UROS: variants seen among roughly 807,000 people sequenced by gnomAD.
UROS encodes the protein uroporphyrinogen-III synthase.
A neutral mutation model predicts 33.0 loss-of-function variants in UROS; 18 were observed. That is an observed-to-expected ratio of 0.55 (90% CI 0.38 to 0.81). The LOEUF (loss-of-function observed/expected upper bound fraction) is 0.81. UROS is among the 30% of genes least tolerant of loss of function. The pLI is 0.00. For synonymous variants in UROS, 114 were observed against 121.1 expected, an observed-to-expected ratio of 0.94 and a Z score of 0.38; for missense variants, 293 against 314.9, an observed-to-expected ratio of 0.93 and a Z score of 0.53.
chr10:125,797,681 G>A (rs992904052), intron 7 of UROS, among the ~76,000 whole-genome samples: 2 of 152,174 alleles, frequency 1.3e-5, no homozygotes, highest in Non-Finnish European at 2.9e-5. Flanking sequence ...CGGCTGGAGG[G>A]TGCTGCATGC....
At chr10:125,803,780 T>A (rs1852060211) in intron 6 of UROS, among the ~76,000 whole-genome samples, 1 of 152,182 alleles carries the variant, frequency 6.6e-6, no homozygotes, top group South Asian at 2.1e-4. Flanking sequence ...CCACTGCCCC[T>A]GCCATGCTGT....
chr10:125,794,925 G>T lies in UROS; in HGVS notation c.615C>A (p.Leu205=). 1 of 1,614,168 alleles carries T rather than the reference G, an allele frequency of 6.2e-7. No homozygotes were observed. Residue 205 remains leucine, a synonymous_variant, in exon 9 of 10, where the codon CTC becomes CTA. Coordinates refer to ENST00000368797, the MANE Select transcript of UROS (RefSeq NM_000375.3). ...FFSPSGLTYS[L]KHIQELSGDN... is the part of the protein sequence containing the mutation. ...CACCAGATAACTCCTGAATGTGCTTGAGACTGTATGTGAGGCCAGAGGGAC... is the reference window on the plus strand; with the variant it reads ...CACCAGATAACTCCTGAATGTGCTTTAGACTGTATGTGAGGCCAGAGGGAC...
chr10:125,794,230 G>A, intron 9 of UROS: 1 of 623,318 alleles, frequency 1.6e-6, no homozygotes, highest in Non-Finnish European at 2.0e-6. Flanking sequence ...TTAAAACTGG[G>A]AGAGCGGTGC....
chr10:125,806,190 T>C (rs760215125), intron 6 of UROS, among the ~76,000 whole-genome samples: 3 of 152,212 alleles, frequency 2.0e-5, no homozygotes, highest in Non-Finnish European at 4.4e-5. Context: ...TGTACAAGTT[T>C]GCACGTCAAG....
intron 3 of UROS, among the ~76,000 whole-genome samples, chr10:125,815,620 C>T (rs1016311051): frequency 3.9e-5 from 6 of 152,188 alleles, no homozygotes; most frequent in African/African-American, 7.2e-5. Flanking sequence ...TCTGACTTCA[C>T]TGAAGCTGTG....
Position 125,802,937 on chromosome 10 carries a change from C to T in UROS, c.394+4476G>A. The T allele has an allele frequency of 1.9e-6, 3 of 1,612,316 alleles. No individual in the cohort carries two copies. In the Admixed American group the frequency reaches 5.0e-5, roughly 27 times the overall value. Reference sequence around the variant, plus strand: ...CCTTGCCACCAAGGATGCGGCTAAACCCCAGATATTACTCCAATGATTCAT... The same window carrying T: ...CCTTGCCACCAAGGATGCGGCTAAATCCCAGATATTACTCCAATGATTCAT... On this transcript the variant is annotated intron_variant, in intron 6 of 9. Transcript: ENST00000368797.
intron 6 of UROS, among the ~76,000 whole-genome samples, chr10:125,803,295 T>C (rs1452490079): frequency 6.6e-6 from 1 of 152,198 alleles, no homozygotes; most frequent in Non-Finnish European, 1.5e-5. Context: ...TGCCAATGTA[T>C]GTCAGACTCA....
chr10:125,797,148 C>G (rs186717978), intron 7 of UROS, among the ~76,000 whole-genome samples: 2 of 152,128 alleles, frequency 1.3e-5, no homozygotes, highest in Admixed American at 6.5e-5. Flanking sequence ...AGAAGGGATA[C>G]GATCTAGCTC....
Position 125,790,469 on chromosome 10 carries a change from C to T in UROS, c.661-1464G>A, listed in dbSNP as rs1176143370. Among the ~76,000 whole-genome samples the T allele has an allele frequency of 3.9e-5, 6 of 152,214 alleles. No individual in the cohort carries two copies. In the East Asian group the frequency reaches 5.8e-4, roughly 15 times the overall value. ...TTATCAAAAAAGTAAAAAGACAACT[C>T]GCAGAATGGGAGAAAATTTTTACAA... On this transcript the variant is annotated intron_variant, in intron 9 of 9. Coordinates refer to ENST00000368797, the MANE Select transcript of UROS (RefSeq NM_000375.3).
intron 6 of UROS, among the ~76,000 whole-genome samples, chr10:125,803,978 C>A (rs767172154): frequency 2.0e-5 from 3 of 152,358 alleles, no homozygotes; most frequent in African/African-American, 7.2e-5. Context: ...CACTGTGATA[C>A]AAGAGGAAAT....
downstream of UROS, among the ~76,000 whole-genome samples, chr10:125,787,089 G>C (rs556288200): frequency 7.2e-5 from 11 of 152,340 alleles, no homozygotes; most frequent in African/African-American, 9.6e-5. Context: ...CTGAAACAAG[G>C]CTTCGCCAGA....
intron 6 of UROS, among the ~76,000 whole-genome samples, chr10:125,800,419 G>A (rs144153863): frequency 5.3e-5 from 8 of 152,312 alleles, no homozygotes; most frequent in African/African-American, 7.2e-5. Flanking sequence ...CTGGGGGAAC[G>A]GGGCGGAGTC....
intron 5 of UROS, among the ~76,000 whole-genome samples, chr10:125,810,232 A>G (rs542302201): frequency 1.3e-5 from 2 of 152,334 alleles, no homozygotes; most frequent in Admixed American, 1.3e-4. Context: ...AAGAAATGGC[A>G]GAAGAAATGG....
chr10:125,816,033 C>T lies in UROS; in HGVS notation c.147+144G>A. The T allele has an allele frequency of 3.5e-6, 3 of 858,098 alleles. No individual in the cohort carries two copies. The Admixed American group carries it at 6.3e-5, about 18-fold the overall frequency. The allele number at this position is 858,098 out of a possible 1,614,324, so 53.2% of individuals were successfully genotyped here. A position where few individuals can be genotyped will look rare whatever the true frequency, so the allele number is the denominator to read the frequency against. On this transcript the variant is annotated intron_variant, in intron 3 of 9. Transcript: ENST00000368797. ...AGTCAGAACCTCCCAACAGCAGCAGCCTCCTGGAGCCAGGTGAAGTTATGC... is the reference window on the plus strand; with the variant it reads ...AGTCAGAACCTCCCAACAGCAGCAGTCTCCTGGAGCCAGGTGAAGTTATGC...
downstream of UROS, chr10:125,785,925 G>C (rs1233324542): frequency 6.6e-6 from 1 of 152,242 alleles, no homozygotes; most frequent in Non-Finnish European, 1.5e-5. Flanking sequence ...CACATCTGTT[G>C]AGCGTCTTCT....
At chr10:125,809,006 T>C (rs1410508308) in intron 5 of UROS, among the ~76,000 whole-genome samples, 1 of 152,254 alleles carries the variant, frequency 6.6e-6, no homozygotes, top group Non-Finnish European at 1.5e-5. Context: ...TCTCCAACTG[T>C]GTTAAATAAA....
chr10:125,800,137 T>C (rs1851707891), intron 6 of UROS, among the ~76,000 whole-genome samples: 3 of 152,032 alleles, frequency 2.0e-5, no homozygotes, highest in African/African-American at 7.2e-5. Flanking sequence ...CTGCAGGCAA[T>C]TAAGAAAATG....
chr10:125,792,867 G>A (rs1851047191), intron 9 of UROS: 1 of 152,396 alleles, frequency 6.6e-6, no homozygotes. Context: ...CCAGCGCCAA[G>A]TCCCAGTGTC....
At chr10:125,802,600 C>T (rs571417361) in intron 6 of UROS, 98 of 1,037,196 alleles carry the variant, frequency 9.4e-5, no homozygotes, top group Admixed American at 6.2e-4. Flanking sequence ...CAGGGCCAAC[C>T]GTCTTTACTA....
Sources: allele counts gnomAD v4.1 joint callset (sites outside exome capture counted in the v4.1 genomes callset), GRCh38; gene constraint gnomAD v4.1.1; transcripts MANE v1.5; gene names NCBI Gene and HGNC (gene_info 2026-07-23, HGNC 2026-07-21).